Variants in DTNB observed in about 807,000 individuals in gnomAD.
DTNB encodes dystrobrevin beta.
A neutral mutation model predicts 90.7 loss-of-function variants in DTNB; 63 were observed. The observed-to-expected ratio is 0.69, with a 90% CI of 0.57 to 0.86. The LOEUF (loss-of-function observed/expected upper bound fraction) is 0.86, where lower values mean the gene tolerates loss of function less well. DTNB is among the 40% of genes least tolerant of loss of function. The probability of loss-of-function intolerance (pLI) is 0.00; values close to 1 mark genes in which losing one functional copy is unlikely to be tolerated. For missense variants in DTNB, 744 were observed against 807.1 expected, an observed-to-expected ratio of 0.92 and a Z score of 0.95; for synonymous variants, 277 against 286.7, an observed-to-expected ratio of 0.97 and a Z score of 0.34.
intron 16 of DTNB, among the ~76,000 whole-genome samples, chr2:25,404,784 G>A (rs2044642045): frequency 6.6e-6 from 1 of 152,102 alleles, no homozygotes; most frequent in Admixed American, 6.5e-5. Context: ...GAACCTGGGA[G>A]ACAGAGGTTG....
chr2:25,646,095 T>G (rs1481724364), intron 2 of DTNB, among the ~76,000 whole-genome samples: 1 of 152,180 alleles, frequency 6.6e-6, no homozygotes. Context: ...CCTGAGAGAC[T>G]GTTTCAGGCC....
intron 8 of DTNB, among the ~76,000 whole-genome samples, chr2:25,569,320 T>C (rs1380054995): frequency 6.6e-6 from 1 of 152,202 alleles, no homozygotes; most frequent in Non-Finnish European, 1.5e-5. Context: ...ACAGTACTGA[T>C]GGCAAGGTTA....
In DTNB at chr2:25,463,014, C is replaced by T. The variant is rs181201449; in HGVS notation, c.1080-7520G>A. Among the ~76,000 whole-genome samples, 22 of 152,216 alleles carry T rather than the reference C, an allele frequency of 1.4e-4. No homozygotes were observed. The East Asian group carries it at 4.2e-3, about 29-fold the overall frequency. On this transcript the variant is annotated intron_variant, in intron 10 of 20. Coordinates refer to ENST00000406818, the MANE Select transcript of DTNB (RefSeq NM_021907.5). The stretch of plus-strand genomic sequence containing the variant: ...CACCGCGCCCGGCCTACTCAGAACA[C>T]TCTTACAAGAAAGGGATTATGGTAA...
chr2:25,451,417 G>T, intron 12 of DTNB, 131 bp downstream of exon 12: 1 of 918,194 alleles, frequency 1.1e-6, no homozygotes, highest in Non-Finnish European at 1.6e-6. Context: ...TCTACTCTTA[G>T]CATGTGGAAA....
At chr2:25,607,395 G>C (rs1287800041) in intron 4 of DTNB, 74 bp from the exon 5 acceptor site, 2 of 1,386,140 alleles carry the variant, frequency 1.4e-6, no homozygotes, top group Non-Finnish European at 2.0e-6. Context: ...ACTAAATACT[G>C]AGCAACCCAG....
intron 9 of DTNB, among the ~76,000 whole-genome samples, chr2:25,489,207 C>A (rs2066850387): frequency 6.6e-6 from 1 of 152,198 alleles, no homozygotes. Flanking sequence ...TACAAAATCT[C>A]TCTTAAGGGT....
chr2:25,509,133 G>T (rs1181390643), intron 9 of DTNB, among the ~76,000 whole-genome samples: 1 of 152,002 alleles, frequency 6.6e-6, no homozygotes, highest in Non-Finnish European at 1.5e-5. Flanking sequence ...TTTCCTTTTC[G>T]ATCTGAATGC....
At chr2:25,419,583 A>C (rs2048857873) in intron 15 of DTNB, 48 bp from the exon 16 acceptor site, 2 of 1,549,204 alleles carry the variant, frequency 1.3e-6, no homozygotes, top group African/African-American at 2.7e-5. Context: ...AAAGGAGAGA[A>C]ATTAATGCCC....
intron 2 of DTNB, chr2:25,650,261 A>T: frequency 1.0e-6 from 1 of 984,108 alleles, no homozygotes. Context: ...TCCCTTTACT[A>T]ACATGGAAGT....
intron 14 of DTNB, among the ~76,000 whole-genome samples, chr2:25,432,615 A>G (rs1260341156): frequency 6.6e-6 from 1 of 152,236 alleles, no homozygotes; most frequent in Non-Finnish European, 1.5e-5. Flanking sequence ...TTCTTAAAGC[A>G]ATCACAGAAG....
At chr2:25,435,487 T>C (rs1450426876) in intron 12 of DTNB, among the ~76,000 whole-genome samples, 2 of 152,244 alleles carry the variant, frequency 1.3e-5, no homozygotes, top group African/African-American at 4.8e-5. Flanking sequence ...AATGGAGCCA[T>C]ACAATATTGA....
At chr2:25,609,595 CAAAAA>C (rs34804799) in intron 4 of DTNB, among the ~76,000 whole-genome samples, 4 of 109,220 alleles carry the variant, frequency 3.7e-5, no homozygotes, top group Admixed American at 9.7e-5. Flanking sequence ...GAAACTCTTT[CAAAAA>C]AAAAAAAAAA....
intron 6 of DTNB, among the ~76,000 whole-genome samples, chr2:25,581,285 G>A (rs771984337): frequency 6.6e-6 from 1 of 151,964 alleles, no homozygotes; most frequent in Admixed American, 6.6e-5. Flanking sequence ...ACAGTGCCTG[G>A]CACACAAGAT....
In DTNB at chr2:25,575,429, CA is replaced by C. The variant is rs565388734; in HGVS notation, c.876+1408del. Among the ~76,000 whole-genome samples, 481 of 150,830 alleles carry C rather than the reference CA, an allele frequency of 3.2e-3. 2 individuals are homozygous for C. The highest frequency in any genetic ancestry group is 0.011 in the African/African-American group (468 of 41,136). On this transcript the variant is annotated intron_variant, in intron 8 of 20. Coordinates refer to ENST00000406818, the MANE Select transcript of DTNB (RefSeq NM_021907.5). ...AGTGGCTCTTCACAACCACCACCAC[CA>C]AAAAAAATGGAATTCACAACACAAC...
At chr2:25,522,770 G>A (rs1010904036) in intron 9 of DTNB, among the ~76,000 whole-genome samples, 8 of 148,986 alleles carry the variant, frequency 5.4e-5, no homozygotes, top group African/African-American at 7.4e-5. Context: ...GTGCAATCTC[G>A]GCTCGCTGCA....
chr2:25,500,728 C>CA (rs567952538), intron 9 of DTNB, among the ~76,000 whole-genome samples: 179 of 144,486 alleles, frequency 1.2e-3, no homozygotes, highest in Middle Eastern at 3.4e-3. Flanking sequence ...CCTCCTGTGC[C>CA]AAAAAAAAAA....
intron 15 of DTNB, among the ~76,000 whole-genome samples, chr2:25,420,311 A>G (rs1023300320): frequency 1.4e-5 from 2 of 145,264 alleles, no homozygotes; most frequent in African/African-American, 5.1e-5. Flanking sequence ...TACATACACA[A>G]CTTCCCCCAG....
At chr2:25,672,595 T>C (rs774006402) in intron 1 of DTNB, among the ~76,000 whole-genome samples, 28 of 152,206 alleles carry the variant, frequency 1.8e-4, no homozygotes, top group Non-Finnish European at 4.4e-5. Context: ...ACGCAATTTA[T>C]GGCTCCAATT....
intron 9 of DTNB, among the ~76,000 whole-genome samples, chr2:25,526,420 A>C (rs1454460474): frequency 3.3e-5 from 4 of 121,160 alleles, no homozygotes; most frequent in African/African-American, 1.1e-4. Context: ...ATTGAGACAG[A>C]GTTTCACCCT....
Sources: gnomAD v4.1 joint callset for allele counts (sites outside exome capture counted in the v4.1 genomes callset) on GRCh38, gnomAD v4.1.1 for gene constraint, MANE v1.5 for transcripts, NCBI Gene and HGNC (gene_info 2026-07-23, HGNC 2026-07-21) for gene names.